Variants in PTPRR observed in about 807,000 individuals in gnomAD.
PTPRR encodes the protein protein tyrosine phosphatase receptor type R, also known as receptor-type tyrosine-protein phosphatase R.
In PTPRR, 38 loss-of-function variants were observed where a neutral mutation model predicts 77.2. The ratio of observed to expected loss-of-function variants is 0.49; its 90% CI spans 0.38 to 0.65. The LOEUF is 0.65. PTPRR is among the 30% of genes least tolerant of loss of function. PTPRR has a pLI of 0.00. For missense variants in PTPRR, 744 were observed against 799.2 expected, an observed-to-expected ratio of 0.93 and a Z score of 0.83; for synonymous variants, 299 against 283.1, an observed-to-expected ratio of 1.06 and a Z score of -0.57.
intron 6 of PTPRR, among the ~76,000 whole-genome samples, chr12:70,713,581 T>C (rs1888911527): frequency 7.1e-6 from 1 of 140,680 alleles, no homozygotes; most frequent in South Asian, 2.2e-4. Flanking sequence ...TTTTTTTTAA[T>C]AATAGCCATC....
At chr12:70,839,771 T>A (rs1892365398) in intron 2 of PTPRR, among the ~76,000 whole-genome samples, 1 of 152,192 alleles carries the variant, frequency 6.6e-6, no homozygotes, top group East Asian at 1.9e-4. Flanking sequence ...GGGCCAGGTA[T>A]AGAGCTTCGC....
chr12:70,652,377 A>G (rs993816137), intron 13 of PTPRR, among the ~76,000 whole-genome samples: 1 of 152,310 alleles, frequency 6.6e-6, no homozygotes, highest in African/African-American at 2.4e-5. Flanking sequence ...CATAACAACT[A>G]GAAGAGTGTA....
chr12:70,698,274 T>C lies in PTPRR; in HGVS notation c.1270A>G (p.Ile424Val). The part of the protein sequence containing the change: ...RHGTKNRYKT[I>V]LPNPLSRVCL... ...AAATCAAGAAGCTTACTTGGTAAAA[T>C]GGTCTTATAGCGATTTTTAGTTCCA... The change falls in exon 8 of 14, where the codon ATT becomes GTT. Residue 424 changes from isoleucine (I) to valine (V), a missense_variant. This residue lies in a region of PTPRR where 570 missense variants were observed against 573.2 expected (regional missense o/e 0.99). Coordinates refer to ENST00000283228, the MANE Select transcript of PTPRR (RefSeq NM_002849.4). 6.2e-7 allele frequency: 1 copy of C among 1,612,760 alleles called. No homozygotes were observed. Among genetic ancestry groups the C allele is most frequent in the Non-Finnish European group, 8.5e-7 (1 of 1,179,132 alleles).
At chr12:70,826,367 G>A (rs1421413114) in intron 2 of PTPRR, among the ~76,000 whole-genome samples, 3 of 152,170 alleles carry the variant, frequency 2.0e-5, no homozygotes, top group African/African-American at 2.4e-5. Flanking sequence ...ATCTCATTGC[G>A]GCCCAGTGAC....
intron 2 of PTPRR, among the ~76,000 whole-genome samples, chr12:70,839,706 T>A (rs1356462411): frequency 1.3e-5 from 2 of 152,180 alleles, no homozygotes; most frequent in African/African-American, 4.8e-5. Flanking sequence ...AGAACCTGGC[T>A]ATTGTGTGCT....
chr12:70,851,808 T>C (rs1892575904), intron 2 of PTPRR, among the ~76,000 whole-genome samples: 1 of 152,158 alleles, frequency 6.6e-6, no homozygotes, highest in East Asian at 1.9e-4. Flanking sequence ...TATTGAAATG[T>C]GAAAAGAAGT....
At chr12:70,812,519 C>T (rs563487265) in intron 2 of PTPRR, among the ~76,000 whole-genome samples, 7 of 152,286 alleles carry the variant, frequency 4.6e-5, no homozygotes, top group African/African-American at 1.4e-4. Flanking sequence ...CATGTGATCA[C>T]CTCTAATAAT....
At chr12:70,847,727 G>T (rs1011423826) in intron 2 of PTPRR, among the ~76,000 whole-genome samples, 4 of 152,072 alleles carry the variant, frequency 2.6e-5, no homozygotes, top group African/African-American at 9.7e-5. Context: ...CTTAGAGAGA[G>T]GGAATTTTTA....
chr12:70,666,220 A>T (rs1886987979), intron 10 of PTPRR, among the ~76,000 whole-genome samples: 1 of 152,192 alleles, frequency 6.6e-6, no homozygotes, highest in African/African-American at 2.4e-5. Context: ...ATTTTCCAAG[A>T]AAATATCACT....
At chr12:70,744,810 C>T (rs1222503296) in intron 6 of PTPRR, among the ~76,000 whole-genome samples, 1 of 152,162 alleles carries the variant, frequency 6.6e-6, no homozygotes, top group Non-Finnish European at 1.5e-5. Context: ...CTTACTCTCC[C>T]ACTACCCTGG....
At chr12:70,877,300 T>G (rs1283135478) in intron 2 of PTPRR, among the ~76,000 whole-genome samples, 1 of 152,184 alleles carries the variant, frequency 6.6e-6, no homozygotes, top group Non-Finnish European at 1.5e-5. Context: ...ATTACACTTC[T>G]AAGATTTACT....
intron 2 of PTPRR, among the ~76,000 whole-genome samples, chr12:70,846,938 T>C (rs1175537166): frequency 6.6e-6 from 1 of 152,080 alleles, no homozygotes; most frequent in Non-Finnish European, 1.5e-5. Flanking sequence ...CTGAAATTGC[T>C]TATGGGTATC....
chr12:70,773,748 C>T (rs7297717), intron 2 of PTPRR, among the ~76,000 whole-genome samples: 52,093 of 152,090 alleles, frequency 0.34, 10,361 homozygotes, highest in African/African-American at 0.55. Flanking sequence ...ATGTTATCTT[C>T]TTCTAGAGAG....
intron 2 of PTPRR, among the ~76,000 whole-genome samples, chr12:70,798,609 C>G (rs12301389): frequency 0.022 from 3,370 of 152,200 alleles, 82 homozygotes; most frequent in African/African-American, 0.057. Context: ...TTTTGCAAAC[C>G]CTTGTCCTGG....
intron 6 of PTPRR, among the ~76,000 whole-genome samples, chr12:70,714,929 G>A (rs901178287): frequency 2.0e-5 from 3 of 152,160 alleles, no homozygotes; most frequent in African/African-American, 7.2e-5. Flanking sequence ...AGGCTACAGT[G>A]AGCCGTGATC....
intron 2 of PTPRR, among the ~76,000 whole-genome samples, chr12:70,789,560 C>A (rs1891388029): frequency 6.6e-6 from 1 of 151,734 alleles, no homozygotes; most frequent in East Asian, 1.9e-4. Context: ...CATATGCATA[C>A]CATTATGATT....
At chr12:70,684,013 A>T in intron 10 of PTPRR, 114 bp downstream of exon 10, 1 of 1,160,474 alleles carries the variant, frequency 8.6e-7, no homozygotes. Flanking sequence ...CTTAGCCTTT[A>T]AATGTCTCAG....
intron 10 of PTPRR, 145 bp downstream of exon 10, chr12:70,683,982 T>A: frequency 1.3e-6 from 1 of 789,562 alleles, no homozygotes; most frequent in East Asian, 2.7e-5. Flanking sequence ...GCACTTATTA[T>A]ATTTGGGATG....
intron 13 of PTPRR, among the ~76,000 whole-genome samples, chr12:70,646,908 T>C (rs1033958289): frequency 7.9e-5 from 12 of 152,044 alleles, no homozygotes; most frequent in Admixed American, 2.6e-4. Flanking sequence ...GCCTTGGAAA[T>C]TGATGGCATA....
Sources: allele counts gnomAD v4.1 joint callset (sites outside exome capture counted in the v4.1 genomes callset), GRCh38; gene constraint gnomAD v4.1.1; regional missense constraint gnomAD v4.1.1; transcripts MANE v1.5; gene names NCBI Gene and HGNC (gene_info 2026-07-23, HGNC 2026-07-21).